Variants in TPCN1 observed in about 807,000 individuals in gnomAD.
TPCN1 encodes two pore channel protein 1.
In TPCN1, 52 loss-of-function variants were observed where a neutral mutation model predicts 108.8. That is an observed-to-expected ratio of 0.48 (90% CI 0.38 to 0.60). The LOEUF (loss-of-function observed/expected upper bound fraction) is 0.60, where lower values mean the gene tolerates loss of function less well. Among genes scored for constraint, TPCN1 ranks in the 20% least tolerant of loss-of-function variants. TPCN1 has a pLI of 0.00. For missense variants in TPCN1, 806 were observed against 1,072.8 expected, an observed-to-expected ratio of 0.75 and a Z score of 3.47; for synonymous variants, 446 against 433.7, an observed-to-expected ratio of 1.03 and a Z score of -0.35.
intron 19 of TPCN1, among the ~76,000 whole-genome samples, chr12:113,287,842 C>T (rs573090987): frequency 6.6e-6 from 1 of 152,352 alleles, no homozygotes; most frequent in African/African-American, 2.4e-5. Context: ...GGGCTTCTCC[C>T]CGCTCTTTCC....
intron 10 of TPCN1, among the ~76,000 whole-genome samples, chr12:113,274,404 T>C (rs1293595187): frequency 2.0e-5 from 3 of 151,884 alleles, no homozygotes; most frequent in Non-Finnish European, 4.4e-5. Context: ...GCCGAGATCA[T>C]GCCGTTGCAC....
intron 14 of TPCN1, 81 bp from the exon 15 acceptor site, chr12:113,280,070 A>G (rs969289754): frequency 2.6e-6 from 3 of 1,161,258 alleles, no homozygotes; most frequent in Middle Eastern, 2.3e-4. Context: ...ACCTGCCCAG[A>G]AAGAGATAAT....
intron 1 of TPCN1, among the ~76,000 whole-genome samples, chr12:113,223,222 C>T (rs1953325230): frequency 6.6e-6 from 1 of 152,178 alleles, no homozygotes; most frequent in Non-Finnish European, 1.5e-5. Flanking sequence ...TGTTTACTTT[C>T]GCTGCCTTGT....
chr12:113,283,894 G>A (rs554098292), intron 15 of TPCN1, among the ~76,000 whole-genome samples: 3 of 152,252 alleles, frequency 2.0e-5, no homozygotes, highest in Admixed American at 6.5e-5. Flanking sequence ...GGCTGGTTTC[G>A]AGCCCCTGGG....
rs751718722 is a variant in TPCN1 at position 113,268,851 on chromosome 12, G to A, written c.638G>A (p.Arg213Gln). The A allele has an allele frequency of 5.0e-6, 8 of 1,613,896 alleles. No individual in the cohort carries two copies. Among genetic ancestry groups the A allele is most frequent in the African/African-American group, 1.3e-5 (1 of 74,886 alleles). The stretch of plus-strand genomic sequence containing the variant: ...CGCTGCATTTTCCTGGTGGACTGTC[G>A]GTATTGCGGTGGCGTCCGGCGGTAA... ...ALRCIFLVDC[R>Q]YCGGVRRNLR... The change falls in exon 6 of 28, where the codon CGG becomes CAG. Residue 213 changes from arginine to glutamine, a missense_variant. Arg to Gln is a conservative substitution (Grantham distance 43). Coordinates refer to ENST00000335509, the MANE Select transcript of TPCN1 (RefSeq NM_017901.6). The surrounding 1 kb of genome is among the most constrained non-coding windows in gnomAD (Gnocchi z 7.3).
At chr12:113,261,010 T>A (rs1220768344) in intron 3 of TPCN1, among the ~76,000 whole-genome samples, 1 of 151,906 alleles carries the variant, frequency 6.6e-6, no homozygotes, top group East Asian at 1.9e-4. Context: ...CTGGCCAACA[T>A]AGTGAAACCC....
In TPCN1 at chr12:113,273,461, G is replaced by T. The variant is rs1955571848; in HGVS notation, c.843-108G>T. On this transcript the variant is annotated intron_variant, in intron 9 of 27. Coordinates refer to ENST00000335509, the MANE Select transcript of TPCN1 (RefSeq NM_017901.6). The surrounding 1 kb of genome is among the most constrained non-coding windows in gnomAD (Gnocchi z 4.0). ...CCAGGGATGAGAGTAGGGGAACCAG[G>T]GTTGGAGGCTGGGAAGGCAGACAAG... is the stretch of plus-strand genomic sequence containing the variant. 7 of 1,262,380 alleles carry T rather than the reference G, an allele frequency of 5.5e-6. No homozygotes were observed. Among genetic ancestry groups the T allele is most frequent in the Non-Finnish European group, 8.1e-6 (7 of 862,458 alleles). 78.2% of individuals were successfully genotyped at this position (1,262,380 alleles called of 1,614,324 possible).
chr12:113,270,335 G>C (rs1955441557), intron 7 of TPCN1, among the ~76,000 whole-genome samples: 1 of 152,212 alleles, frequency 6.6e-6, no homozygotes, highest in Non-Finnish European at 1.5e-5. Context: ...TGGAGGCTGT[G>C]AGATCTGGAA....
intron 2 of TPCN1, among the ~76,000 whole-genome samples, chr12:113,233,337 A>C (rs754558532): frequency 6.6e-6 from 1 of 152,188 alleles, no homozygotes; most frequent in Non-Finnish European, 1.5e-5. Context: ...AGAGCGCTTC[A>C]TGAGCCAGAA....
chr12:113,294,737 G>A (rs972929220), intron 27 of TPCN1, among the ~76,000 whole-genome samples: 10 of 152,142 alleles, frequency 6.6e-5, no homozygotes, highest in Non-Finnish European at 1.3e-4. Flanking sequence ...GTGTGGGCTG[G>A]CATTTGGCAC....
At chr12:113,255,937 C>T (rs1346082815) in intron 2 of TPCN1, among the ~76,000 whole-genome samples, 3 of 145,850 alleles carry the variant, frequency 2.1e-5, no homozygotes, top group Non-Finnish European at 4.5e-5. Context: ...GCCATCCTCC[C>T]ACCTCAGCCT....
At chr12:113,278,897 C>T in intron 14 of TPCN1, 62 bp downstream of exon 14, 1 of 1,465,116 alleles carries the variant, frequency 6.8e-7, no homozygotes, top group Non-Finnish European at 9.6e-7. Flanking sequence ...TTTCAGAGAC[C>T]ACAGATAAGC....
rs1593214919 is a variant in TPCN1 at position 113,291,592 on chromosome 12, C to G, written c.1960-17C>G. On this transcript the variant is annotated splice_polypyrimidine_tract_variant and intron_variant, in intron 23 of 27. Transcript: ENST00000335509. ...TGCATGGGCACCCCCTCACTGGCTG[C>G]TTCCCTTGGTCTCCAGGAAGGCGTC... The G allele has an allele frequency of 6.2e-7, 1 of 1,609,990 alleles. No homozygotes were observed.
chr12:113,292,336 G>A (rs538649033), intron 25 of TPCN1: 12 of 256,038 alleles, frequency 4.7e-5, no homozygotes, highest in Admixed American at 1.5e-4. Flanking sequence ...TTCACACTAC[G>A]GTTCTTGATT....
At chr12:113,264,525 A>G (rs1275816596) in intron 3 of TPCN1, among the ~76,000 whole-genome samples, 1 of 151,928 alleles carries the variant, frequency 6.6e-6, no homozygotes, top group Non-Finnish European at 1.5e-5. Flanking sequence ...CTAAAAATAC[A>G]AAAATTAGCC....
rs779131227 is a variant in TPCN1 at position 113,284,799 on chromosome 12, C to T, written c.1453+28C>T. 3 of 1,613,088 alleles carry T rather than the reference C, an allele frequency of 1.9e-6. No individual in the cohort carries two copies. Among genetic ancestry groups the T allele is most frequent in the South Asian group, 1.1e-5 (1 of 91,048 alleles). ...ACGTTTCCGACATGGCTTTGCTGGA[C>T]TGCTTGTTTTAAAATTGTCTGGGAG... is the stretch of plus-strand genomic sequence containing the variant. On this transcript the variant is annotated intron_variant, in intron 17 of 27. Coordinates refer to ENST00000335509, the MANE Select transcript of TPCN1 (RefSeq NM_017901.6). The surrounding 1 kb of genome is among the most constrained non-coding windows in gnomAD (Gnocchi z 4.1).
chr12:113,252,795 G>A (rs1392610191), intron 2 of TPCN1, among the ~76,000 whole-genome samples: 2 of 152,130 alleles, frequency 1.3e-5, no homozygotes, highest in African/African-American at 2.4e-5. Flanking sequence ...GATTGAGGAC[G>A]GTGGTTTGAC....
intron 3 of TPCN1, 120 bp downstream of exon 3, chr12:113,260,612 G>C (rs956781856): frequency 3.1e-6 from 4 of 1,272,464 alleles, no homozygotes; most frequent in Admixed American, 3.3e-5. Flanking sequence ...GCTGCTGCTC[G>C]TGTGTGAGCT....
chr12:113,227,785 A>G (rs986783320), intron 2 of TPCN1, among the ~76,000 whole-genome samples: 18 of 152,170 alleles, frequency 1.2e-4, no homozygotes, highest in Admixed American at 1.0e-3. Context: ...GTTTGGGGCC[A>G]AGGAGAGACG....
Sources: allele counts gnomAD v4.1 joint callset (sites outside exome capture counted in the v4.1 genomes callset), GRCh38; gene constraint gnomAD v4.1.1; non-coding constraint Gnocchi (gnomAD v3.1); transcripts MANE v1.5; gene names NCBI Gene and HGNC (gene_info 2026-07-23, HGNC 2026-07-21).